Variants in NASP observed in about 807,000 individuals in gnomAD.
The protein encoded by NASP is nuclear autoantigenic sperm protein, also known as NASP histone chaperone.
Under a neutral mutation model 89.5 loss-of-function variants are expected in NASP, and 24 were observed. The observed-to-expected ratio is 0.27, with a 90% CI of 0.19 to 0.38. NASP has a LOEUF of 0.38. Ranked by LOEUF, NASP falls within the 10% of genes least tolerant of loss-of-function variation. The pLI, the probability that NASP is intolerant of heterozygous loss-of-function variation, is 1.00. For synonymous variants in NASP, 306 were observed against 324.7 expected (o/e 0.94, Z 0.62); for missense variants, 848 against 921.4 (o/e 0.92, Z 1.03).
intron 1 of NASP, chr1:45,588,590 T>C (rs1420379517): frequency 2.2e-6 from 1 of 450,490 alleles, no homozygotes; most frequent in Non-Finnish European, 4.4e-6. Context: ...CTTAACCCTA[T>C]CTTTGACTAT....
chr1:45,616,565 A>G (rs1644108442), intron 12 of NASP, 61 bp from the exon 13 acceptor site: 3 of 1,564,274 alleles, frequency 1.9e-6, no homozygotes, highest in Admixed American at 3.4e-5. Flanking sequence ...AAAAATTATA[A>G]AAGCCTCAGC....
chr1:45,594,627 C>T (rs1373543169), intron 2 of NASP: 4 of 428,266 alleles, frequency 9.3e-6, no homozygotes, highest in Non-Finnish European at 1.9e-5. Context: ...CTGCCTTAGA[C>T]TCCTGGGTAG....
At chr1:45,586,568 C>T (rs761866556) in intron 1 of NASP, among the ~76,000 whole-genome samples, 2 of 152,208 alleles carry the variant, frequency 1.3e-5, no homozygotes, top group East Asian at 3.9e-4. Context: ...AGATTACCGG[C>T]GTGAGCCACC....
chr1:45,586,239 C>CGCGTGT (rs1644532749), intron 1 of NASP, among the ~76,000 whole-genome samples: 2 of 110,232 alleles, frequency 1.8e-5, no homozygotes, highest in African/African-American at 7.8e-5. Context: ...CCTACCGTGC[C>CGCGTGT]GTGTGTGTGT....
intron 2 of NASP, among the ~76,000 whole-genome samples, chr1:45,596,540 CCTTG>C (rs1009349519): frequency 4.6e-5 from 7 of 152,124 alleles, no homozygotes; most frequent in East Asian, 1.9e-4. Context: ...GTCAGAATTT[CCTTG>C]CTTTTTATTG....
chr1:45,613,753 G>T (rs931595475), intron 7 of NASP, among the ~76,000 whole-genome samples: 1 of 152,134 alleles, frequency 6.6e-6, no homozygotes, highest in Non-Finnish European at 1.5e-5. Flanking sequence ...CTCCCAAAGT[G>T]TTGGGATTAT....
intron 4 of NASP, 45 bp from the exon 5 acceptor site, chr1:45,606,437 A>G: frequency 7.1e-7 from 1 of 1,408,860 alleles, no homozygotes; most frequent in Non-Finnish European, 1.0e-6. Context: ...AAAAATTGCT[A>G]GGTTCTAGCC....
At chr1:45,586,719 T>G (rs985775490) in intron 1 of NASP, among the ~76,000 whole-genome samples, 1 of 152,132 alleles carries the variant, frequency 6.6e-6, no homozygotes, top group Non-Finnish European at 1.5e-5. Flanking sequence ...TCCTCATGTT[T>G]AAGGGTAGGA....
At chr1:45,604,504 T>C (rs888152113) in intron 3 of NASP, among the ~76,000 whole-genome samples, 1 of 152,222 alleles carries the variant, frequency 6.6e-6, no homozygotes, top group Admixed American at 6.5e-5. Context: ...CAGCTAGTTA[T>C]GGGTTAAAGG....
chr1:45,603,488 T>TA (rs776860746), intron 3 of NASP, among the ~76,000 whole-genome samples: 1 of 152,188 alleles, frequency 6.6e-6, no homozygotes, highest in Non-Finnish European at 1.5e-5. Flanking sequence ...AACAGAATCT[T>TA]ACTCCTGGAT....
chr1:45,588,788 A>T (rs189954782), intron 1 of NASP: 6 of 268,672 alleles, frequency 2.2e-5, no homozygotes, highest in East Asian at 1.5e-4. Flanking sequence ...AATACAAAAA[A>T]AAAATGTAGT....
chr1:45,596,192 C>T (rs1188124533), intron 2 of NASP, among the ~76,000 whole-genome samples: 5 of 152,146 alleles, frequency 3.3e-5, no homozygotes, highest in Admixed American at 3.3e-4. Flanking sequence ...TGACAGTATC[C>T]TAATACTTTG....
chr1:45,597,319 T>TTTG (rs1334914700), intron 2 of NASP, among the ~76,000 whole-genome samples: 1 of 145,070 alleles, frequency 6.9e-6, no homozygotes, highest in African/African-American at 2.5e-5. Flanking sequence ...TTTTTTTTTT[T>TTTG]TTTAAGACAA....
At chr1:45,596,755 G>A (rs1480730515) in intron 2 of NASP, among the ~76,000 whole-genome samples, 2 of 152,206 alleles carry the variant, frequency 1.3e-5, no homozygotes, top group Non-Finnish European at 2.9e-5. Context: ...ACTTTGGGAG[G>A]CTGAGGCGAG....
At chr1:45,594,389 A>G (rs903244321) in intron 2 of NASP, among the ~76,000 whole-genome samples, 4 of 152,076 alleles carry the variant, frequency 2.6e-5, no homozygotes, top group Non-Finnish European at 1.5e-5. Context: ...TGGTATGAAT[A>G]CTGAATACTG....
At chr1:45,586,308 TG>T (rs201772263) in intron 1 of NASP, among the ~76,000 whole-genome samples, 42 of 122,662 alleles carry the variant, frequency 3.4e-4, no homozygotes, top group African/African-American at 1.2e-3. Context: ...TGTGTGTGTG[TG>T]GTGTGTGTGT....
At chr1:45,600,408 A>G (rs1367432575) in intron 2 of NASP, 14 of 1,292,806 alleles carry the variant, frequency 1.1e-5, no homozygotes, top group Non-Finnish European at 1.4e-5. Context: ...GCTTTCTGTC[A>G]CTGAAGATGG....
At chr1:45,585,726 G>C (rs961303282) in intron 1 of NASP, among the ~76,000 whole-genome samples, 1 of 152,144 alleles carries the variant, frequency 6.6e-6, no homozygotes, top group Non-Finnish European at 1.5e-5. Context: ...GTAGTGTTGT[G>C]ATCATAGCTC....
intron 6 of NASP, among the ~76,000 whole-genome samples, chr1:45,609,062 T>C (rs1643958289): frequency 6.6e-6 from 1 of 152,188 alleles, no homozygotes; most frequent in Non-Finnish European, 1.5e-5. Flanking sequence ...TTTTGTTACT[T>C]AGAATATTAT....
Sources: allele counts gnomAD v4.1 joint callset (sites outside exome capture counted in the v4.1 genomes callset), GRCh38; gene constraint gnomAD v4.1.1; transcripts MANE v1.5; gene names NCBI Gene and HGNC (gene_info 2026-07-23, HGNC 2026-07-21).